The following MANBAL variants were observed in gnomAD, a reference collection of about 807,000 sequenced individuals.
MANBAL encodes mannosidase beta like, also known as protein MANBAL.
MANBAL carries 1 observed loss-of-function variant against 6.4 expected under a neutral mutation model. The observed-to-expected ratio is 0.16, with a 90% CI of 0.06 to 0.74. The LOEUF is 0.74. Ranked by LOEUF, MANBAL falls within the 30% of genes least tolerant of loss-of-function variation. MANBAL has a pLI of 0.78. For missense variants in MANBAL, 100 were observed against 107.8 expected (o/e 0.93, Z 0.32); for synonymous variants, 47 against 45.8 (o/e 1.03, Z -0.10).
chr20:37,293,296 A>C (rs1034185267), intron 1 of MANBAL, among the ~76,000 whole-genome samples: 1 of 152,180 alleles, frequency 6.6e-6, no homozygotes, highest in Admixed American at 6.5e-5. Flanking sequence ...TTTTCCTACA[A>C]CTAGACAGTC....
intron 2 of MANBAL, among the ~76,000 whole-genome samples, chr20:37,304,758 G>A (rs1173938982): frequency 6.6e-6 from 1 of 152,118 alleles, no homozygotes; most frequent in Non-Finnish European, 1.5e-5. Context: ...GTGCAGGGAA[G>A]GAACATGCCA....
intron 2 of MANBAL, among the ~76,000 whole-genome samples, chr20:37,307,305 A>G (rs975532602): frequency 6.6e-6 from 1 of 152,174 alleles, no homozygotes; most frequent in African/African-American, 2.4e-5. Context: ...TGATTGTAAT[A>G]TGCAGCCACT....
At chr20:37,308,574 A>G (rs752731855) in intron 2 of MANBAL, among the ~76,000 whole-genome samples, 1 of 152,070 alleles carries the variant, frequency 6.6e-6, no homozygotes, top group Non-Finnish European at 1.5e-5. Flanking sequence ...TCCCCCTCAA[A>G]TTGTGTACAA....
At position 37,316,393 on chromosome 20, in the gene MANBAL, AAG is replaced by A. The variant is rs777471039; in HGVS notation, c.240_241del (p.Glu80AspfsTer2). On this transcript the variant is annotated frameshift_variant, in exon 3 of 3. Coordinates refer to ENST00000373606, the MANE Select transcript of MANBAL (RefSeq NM_001003897.2). LOFTEE classifies it high-confidence loss of function. ...CCTTCTGTGAACAAGAGGCCCAAGA[AAG>A]AGACTAAGAAGAAGCGGTAGAAGAG... 7.4e-6 allele frequency: 12 copies of A among 1,613,538 alleles called. No individual in the cohort carries two copies. The South Asian group carries it at 1.3e-4, about 18-fold the overall frequency.
chr20:37,292,836 C>T (rs1250491510), intron 1 of MANBAL, among the ~76,000 whole-genome samples: 1 of 152,214 alleles, frequency 6.6e-6, no homozygotes, highest in Non-Finnish European at 1.5e-5. Context: ...CTAGAATTAG[C>T]CATTTCCCAA....
intron 2 of MANBAL, chr20:37,302,286 C>CAA: frequency 6.4e-7 from 1 of 1,550,560 alleles, no homozygotes; most frequent in Non-Finnish European, 8.7e-7. Context: ...ACAGGAGTTC[C>CAA]ATGTAGAGGC....
rs747893972 is a variant in MANBAL, at chr20:37,316,461, G to A, written c.*46G>A. The A allele has an allele frequency of 1.9e-6, 3 of 1,539,388 alleles. No homozygotes were observed. Among genetic ancestry groups the A allele is most frequent in the African/African-American group, 2.8e-5 (2 of 72,570 alleles). On this transcript the variant is annotated 3_prime_UTR_variant, in exon 3 of 3. Transcript: ENST00000373606. ...GGGCGGGCAGGGAGAGGGTCTTGGG[G>A]ACAGCCCTCCTGGGAATCTACATTG...
intron 2 of MANBAL, among the ~76,000 whole-genome samples, chr20:37,305,146 T>C (rs943540178): frequency 6.6e-6 from 1 of 152,220 alleles, no homozygotes; most frequent in Admixed American, 6.5e-5. Context: ...CCCACAATTG[T>C]ATCGCATTTT....
intron 1 of MANBAL, among the ~76,000 whole-genome samples, chr20:37,296,134 A>G (rs1345203847): frequency 1.3e-5 from 2 of 152,236 alleles, no homozygotes; most frequent in Non-Finnish European, 2.9e-5. Flanking sequence ...TGAAAAATTC[A>G]GTTTCTCTGT....
At chr20:37,305,055 A>T (rs1216375481) in intron 2 of MANBAL, among the ~76,000 whole-genome samples, 1 of 152,112 alleles carries the variant, frequency 6.6e-6, no homozygotes, top group African/African-American at 2.4e-5. Context: ...GTGAACAGGG[A>T]TGGGTTCGTG....
rs368060461 is a variant in MANBAL at position 37,315,347 on chromosome 20, C to A, written c.151-961C>A. On this transcript the variant is annotated intron_variant, in intron 2 of 2. Coordinates refer to ENST00000373606, the MANE Select transcript of MANBAL (RefSeq NM_001003897.2). ...TAGCCCGGCCTCTCTGACGTCCGTC[C>A]TTTCTGGCCACGGCACACTGCAAGT... is the stretch of plus-strand genomic sequence containing the variant. Among the ~76,000 whole-genome samples, 114 of 152,320 alleles carry A rather than the reference C, an allele frequency of 7.5e-4. 1 individual carries two copies. Among genetic ancestry groups the A allele is most frequent in the African/African-American group, 2.6e-3 (108 of 41,560 alleles).
chr20:37,294,594 G>A (rs934016271), intron 1 of MANBAL, among the ~76,000 whole-genome samples: 9 of 152,314 alleles, frequency 5.9e-5, no homozygotes, highest in Middle Eastern at 3.4e-3. Context: ...GGCCCTTGCC[G>A]TCCCTCCATC....
intron 2 of MANBAL, among the ~76,000 whole-genome samples, chr20:37,301,899 A>C (rs2069145609): frequency 6.6e-6 from 1 of 152,216 alleles, no homozygotes; most frequent in African/African-American, 2.4e-5. Context: ...GGGAGAGGGC[A>C]CTGCACGTGC....
intron 1 of MANBAL, chr20:37,297,670 T>C: frequency 6.4e-6 from 1 of 155,212 alleles, no homozygotes; most frequent in Non-Finnish European, 1.4e-5. Flanking sequence ...GAGATGGAGT[T>C]TCACTCTTGT....
Position 37,316,293 on chromosome 20 carries a change from T to G in MANBAL, c.151-15T>G, listed in dbSNP as rs924819670. 1.3e-5 allele frequency: 21 copies of G among 1,612,060 alleles called. No individual in the cohort carries two copies. Among genetic ancestry groups the G allele is most frequent in the Non-Finnish European group, 1.8e-5 (21 of 1,179,040 alleles). ...GATCCATCTAAGCAGGACTCTCCTT[T>G]TTATCACCTCACAGGAGGCTGAACC... On this transcript the variant is annotated splice_polypyrimidine_tract_variant and intron_variant, in intron 2 of 2. Coordinates refer to ENST00000373606, the MANE Select transcript of MANBAL (RefSeq NM_001003897.2).
intron 1 of MANBAL, among the ~76,000 whole-genome samples, chr20:37,299,739 T>A (rs982737197): frequency 6.6e-6 from 1 of 152,062 alleles, no homozygotes; most frequent in Non-Finnish European, 1.5e-5. Flanking sequence ...GAGAGGCATG[T>A]TGGGGAGATG....
intron 1 of MANBAL, among the ~76,000 whole-genome samples, chr20:37,294,190 T>C (rs951464806): frequency 6.6e-6 from 1 of 152,252 alleles, no homozygotes; most frequent in Non-Finnish European, 1.5e-5. Context: ...TTCCTAATTA[T>C]AGTGTCATAC....
intron 2 of MANBAL, among the ~76,000 whole-genome samples, chr20:37,310,577 G>T (rs1203568595): frequency 6.6e-6 from 1 of 152,254 alleles, no homozygotes; most frequent in Admixed American, 6.5e-5. Context: ...GAACTGTAGA[G>T]TGGAAATCAT....
At position 37,316,259 on chromosome 20, in the gene MANBAL, G is replaced by A. The variant is rs371108323; in HGVS notation, c.151-49G>A. 9.6e-5 allele frequency: 148 copies of A among 1,548,376 alleles called. 1 individual carries two copies. In the Middle Eastern group the frequency reaches 3.2e-3, roughly 34 times the overall value. On this transcript the variant is annotated intron_variant, in intron 2 of 2. Coordinates refer to ENST00000373606, the MANE Select transcript of MANBAL (RefSeq NM_001003897.2). The stretch of plus-strand genomic sequence containing the variant: ...TCAGATGTGATCTCCTTTTGCTGGC[G>A]TCAGGCTTGATCCATCTAAGCAGGA...
Sources: allele counts gnomAD v4.1 joint callset (sites outside exome capture counted in the v4.1 genomes callset), GRCh38; gene constraint gnomAD v4.1.1; transcripts MANE v1.5; gene names NCBI Gene and HGNC (gene_info 2026-07-23, HGNC 2026-07-21).